The following CLSTN2 variants were observed in gnomAD, a reference collection of about 807,000 sequenced individuals.
The protein encoded by CLSTN2 is calsyntenin-2.
A neutral mutation model predicts 101.2 loss-of-function variants in CLSTN2; 48 were observed. The observed-to-expected ratio is 0.47, with a 90% confidence interval of 0.38 to 0.60. The LOEUF (loss-of-function observed/expected upper bound fraction) is 0.60. Among genes scored for constraint, CLSTN2 ranks in the 20% least tolerant of loss-of-function variants. The pLI, the probability that CLSTN2 is intolerant of heterozygous loss-of-function variation, is 0.00. For missense variants in CLSTN2, 1,160 were observed against 1,238.2 expected, an observed-to-expected ratio of 0.94 and a Z score of 0.95; for synonymous variants, 481 against 463.6, an observed-to-expected ratio of 1.04 and a Z score of -0.48.
chr3:140,209,426 T>C (rs908017710), intron 2 of CLSTN2, among the ~76,000 whole-genome samples: 33 of 152,328 alleles, frequency 2.2e-4, no homozygotes, highest in Non-Finnish European at 3.2e-4. Context: ...TTTAAAAAAT[T>C]TCCATTTCAT....
At chr3:139,988,329 A>C (rs932954144) in intron 1 of CLSTN2, among the ~76,000 whole-genome samples, 5 of 143,014 alleles carry the variant, frequency 3.5e-5, no homozygotes, top group Non-Finnish European at 6.4e-5. Flanking sequence ...ACATTCACAA[A>C]GATAGGCAAA....
intron 1 of CLSTN2, among the ~76,000 whole-genome samples, chr3:140,046,502 A>AG (rs2007883590): frequency 6.6e-6 from 1 of 152,166 alleles, no homozygotes. Context: ...TGGAGCATTT[A>AG]GCCCATTTAC....
At chr3:140,188,249 C>T (rs1028489508) in intron 2 of CLSTN2, among the ~76,000 whole-genome samples, 2 of 152,180 alleles carry the variant, frequency 1.3e-5, no homozygotes, top group African/African-American at 2.4e-5. Flanking sequence ...GTCCCGAATT[C>T]GGCAGCACTT....
intron 1 of CLSTN2, among the ~76,000 whole-genome samples, chr3:140,020,460 G>A (rs1415541852): frequency 2.0e-5 from 3 of 152,144 alleles, no homozygotes; most frequent in African/African-American, 7.2e-5. Flanking sequence ...TCTCGTCTTA[G>A]CTTCCTACCT....
At position 140,378,553 on chromosome 3, in the gene CLSTN2, A is replaced by G. The variant is rs189157464; in HGVS notation, c.233-25076A>G. On this transcript the variant is annotated intron_variant, in intron 2 of 16. Transcript: ENST00000458420. ...CTGTTTATTTATTGTTGGTGCTATA[A>G]TATCTGCCTGCCAGGGACCCGAGAC... Among the ~76,000 whole-genome samples, 19 of 152,348 alleles carry G rather than the reference A, an allele frequency of 1.2e-4. No homozygotes were observed. The East Asian group carries it at 3.7e-3, about 29-fold the overall frequency.
chr3:140,376,357 G>A (rs1256630865), intron 2 of CLSTN2, among the ~76,000 whole-genome samples: 2 of 152,222 alleles, frequency 1.3e-5, no homozygotes, highest in African/African-American at 2.4e-5. Context: ...GCTGCTGCAG[G>A]TAGGCTCCTA....
At chr3:140,382,717 G>A (rs1166245772) in intron 2 of CLSTN2, among the ~76,000 whole-genome samples, 2 of 152,200 alleles carry the variant, frequency 1.3e-5, no homozygotes, top group African/African-American at 2.4e-5. Flanking sequence ...CCAGCAGGTT[G>A]CCAGCCTGGC....
intron 1 of CLSTN2, among the ~76,000 whole-genome samples, chr3:140,120,718 TTGTC>T (rs879291576): frequency 5.9e-5 from 9 of 152,152 alleles, no homozygotes; most frequent in African/African-American, 1.2e-4. Context: ...GATGAATATC[TTGTC>T]TGTCTGTCTG....
chr3:140,012,089 A>G (rs1242739075), intron 1 of CLSTN2, among the ~76,000 whole-genome samples: 1 of 152,100 alleles, frequency 6.6e-6, no homozygotes, highest in Non-Finnish European at 1.5e-5. Flanking sequence ...GTGCACAAGG[A>G]AGATGGACGG....
chr3:140,511,022 G>A (rs6806710), intron 8 of CLSTN2, among the ~76,000 whole-genome samples: 8,473 of 152,032 alleles, frequency 0.056, 771 homozygotes, highest in African/African-American at 0.19. Flanking sequence ...ACTCTACCCC[G>A]TTCGACAGGC....
chr3:140,407,406 C>A (rs1317628897), intron 4 of CLSTN2, among the ~76,000 whole-genome samples: 2 of 152,104 alleles, frequency 1.3e-5, no homozygotes, highest in African/African-American at 4.8e-5. Flanking sequence ...CCTGACCTGT[C>A]TTTAACCAGA....
chr3:140,473,268 C>CCCT (rs1165803397), intron 8 of CLSTN2, among the ~76,000 whole-genome samples: 2 of 152,204 alleles, frequency 1.3e-5, no homozygotes, highest in Non-Finnish European at 1.5e-5. Context: ...TCATTACTCT[C>CCCT]ATGCCATGTC....
chr3:140,536,116 G>A (rs1935353799), intron 9 of CLSTN2, among the ~76,000 whole-genome samples: 1 of 151,836 alleles, frequency 6.6e-6, no homozygotes, highest in South Asian at 2.1e-4. Flanking sequence ...TTCAGCTTTG[G>A]GGTTAAAAAA....
At chr3:140,450,105 G>A (rs1212925594) in intron 6 of CLSTN2, 1 of 152,216 alleles carries the variant, frequency 6.6e-6, no homozygotes, top group East Asian at 1.9e-4. Flanking sequence ...TGCCCTGCCA[G>A]CCTCTTCACA....
intron 8 of CLSTN2, among the ~76,000 whole-genome samples, chr3:140,497,937 C>T (rs1934503428): frequency 6.6e-6 from 1 of 152,164 alleles, no homozygotes; most frequent in South Asian, 2.1e-4. Context: ...GTTGGGGGTT[C>T]CTTTGGCTCT....
rs2107800306 is a variant in CLSTN2 at position 140,574,797 on chromosome 3, G to C, written c.*8544G>C. ...TACCAGAGAAATGAGCCCACATTTTGTGTGCAGAGAGAATCAACCCACAGG... is the reference window on the plus strand; with the variant it reads ...TACCAGAGAAATGAGCCCACATTTTCTGTGCAGAGAGAATCAACCCACAGG... On this transcript the variant is annotated 3_prime_UTR_variant, in exon 17 of 17. Coordinates refer to ENST00000458420, the MANE Select transcript of CLSTN2 (RefSeq NM_022131.3). The C allele has an allele frequency of 6.6e-6, 1 of 152,334 alleles. No individual in the cohort carries two copies. The highest frequency in any genetic ancestry group is 3.4e-3 in the Middle Eastern group (1 of 296). 9.4% of individuals were successfully genotyped at this position (152,334 alleles called of 1,614,324 possible).
At chr3:140,095,829 A>G (rs139386535) in intron 1 of CLSTN2, among the ~76,000 whole-genome samples, 159 of 152,314 alleles carry the variant, frequency 1.0e-3, no homozygotes, top group Non-Finnish European at 1.6e-3. Context: ...GGACGGTGAC[A>G]GCCATTCCAA....
intron 2 of CLSTN2, among the ~76,000 whole-genome samples, chr3:140,289,688 A>T (rs1484430581): frequency 6.6e-6 from 1 of 152,158 alleles, no homozygotes; most frequent in Non-Finnish European, 1.5e-5. Context: ...AAATAAATGA[A>T]TGCATGCACA....
intron 2 of CLSTN2, among the ~76,000 whole-genome samples, chr3:140,238,303 C>T (rs985596948): frequency 2.0e-5 from 3 of 152,076 alleles, no homozygotes; most frequent in African/African-American, 7.2e-5. Flanking sequence ...GAGCACAAAC[C>T]ATTTACCCAA....
Sources: gnomAD v4.1 joint callset for allele counts (sites outside exome capture counted in the v4.1 genomes callset) on GRCh38, gnomAD v4.1.1 for gene constraint, MANE v1.5 for transcripts, NCBI Gene and HGNC (gene_info 2026-07-23, HGNC 2026-07-21) for gene names.